Variants in RIPK4 observed in about 807,000 individuals in gnomAD.
RIPK4 encodes receptor-interacting serine/threonine-protein kinase 4.
In RIPK4, 17 loss-of-function variants were observed where a neutral mutation model predicts 42.9. The observed-to-expected ratio is 0.40, with a 90% CI of 0.27 to 0.59. RIPK4 has a LOEUF of 0.59. Among genes scored for constraint, RIPK4 ranks in the 20% least tolerant of loss-of-function variants. RIPK4 has a pLI of 0.47. For missense variants in RIPK4, 897 were observed against 1,104.4 expected (o/e 0.81, Z 2.66); for synonymous variants, 498 against 499.1 (o/e 1.00, Z 0.03).
chr21:41,741,330 G>C lies in RIPK4; in HGVS notation c.1863C>G (p.Arg621=). 6.2e-7 allele frequency: 1 copy of C among 1,609,378 alleles called. No homozygotes were observed. The highest frequency in any genetic ancestry group is 1.1e-5 in the South Asian group (1 of 91,016). The change falls in exon 8 of 8, where the codon CGC becomes CGG. Residue 621 remains arginine (R), a synonymous_variant. Transcript: ENST00000332512. Reference sequence around the variant, plus strand: ...CGTCGGAGCACAGGTCGATGAGGATGCGGGCCACGCGGTAGTGCCCGCGCT... The same window carrying C: ...CGTCGGAGCACAGGTCGATGAGGATCCGGGCCACGCGGTAGTGCCCGCGCT... ...AAQRGHYRVA[R]ILIDLCSDVN...
chr21:41,754,801 G>C (rs73216995), intron 2 of RIPK4, among the ~76,000 whole-genome samples: 2 of 151,866 alleles, frequency 1.3e-5, no homozygotes, highest in Admixed American at 1.3e-4. Context: ...TGACTGCTAC[G>C]TGCAGTGGTC....
intron 1 of RIPK4, 66 bp downstream of exon 1, chr21:41,766,794 A>G: frequency 6.7e-7 from 1 of 1,503,214 alleles, no homozygotes; most frequent in Non-Finnish European, 9.0e-7. Flanking sequence ...CCCCGGGACC[A>G]GAGCACCCCG....
In RIPK4 at chr21:41,751,032, G is replaced by A; in HGVS notation, c.623+65C>T. On this transcript the variant is annotated intron_variant, in intron 3 of 7. Coordinates refer to ENST00000332512, the MANE Select transcript of RIPK4 (RefSeq NM_020639.3). The surrounding 1 kb of genome is among the most constrained non-coding windows in gnomAD (Gnocchi z 4.5). The stretch of plus-strand genomic sequence containing the variant: ...GCCTTTCTGAAAGCTGCAGCTCAGG[G>A]CATGAAGCATTGAGGTTGAGAGCCC... 6.4e-7 allele frequency: 1 copy of A among 1,565,320 alleles called. No individual in the cohort carries two copies. Among genetic ancestry groups the A allele is most frequent in the African/African-American group, 1.4e-5 (1 of 73,900 alleles).
intron 4 of RIPK4, among the ~76,000 whole-genome samples, chr21:41,748,744 A>G (rs1792997504): frequency 1.3e-5 from 2 of 152,176 alleles, no homozygotes; most frequent in African/African-American, 4.8e-5. Flanking sequence ...AAAGCAGGTG[A>G]GTGGTTGCTG....
Position 41,766,842 on chromosome 21 carries a change from C to T in RIPK4, c.182+18G>A. 6.2e-7 allele frequency: 1 copy of T among 1,600,184 alleles called. No homozygotes were observed. On this transcript the variant is annotated intron_variant, in intron 1 of 7. Transcript: ENST00000332512. ...GCCCGGGCCCCAGCCGCCCCAGCGCCCCGCCCGGGCCGCTCACCTGTCGTC... is the reference window on the plus strand; with the variant it reads ...GCCCGGGCCCCAGCCGCCCCAGCGCTCCGCCCGGGCCGCTCACCTGTCGTC...
chr21:41,758,381 A>G (rs1790563648), intron 1 of RIPK4, among the ~76,000 whole-genome samples: 1 of 152,192 alleles, frequency 6.6e-6, no homozygotes, highest in African/African-American at 2.4e-5. Context: ...TTCACACTGT[A>G]ACATATATCA....
intron 4 of RIPK4, among the ~76,000 whole-genome samples, 194 bp downstream of exon 4, chr21:41,748,960 G>C (rs912403399): frequency 6.6e-6 from 1 of 152,106 alleles, no homozygotes; most frequent in African/African-American, 2.4e-5. Context: ...AAACTAGCTG[G>C]CACCTAAAAA....
intron 6 of RIPK4, among the ~76,000 whole-genome samples, chr21:41,745,008 G>C (rs925221654): frequency 6.6e-6 from 1 of 152,100 alleles, no homozygotes; most frequent in Non-Finnish European, 1.5e-5. Flanking sequence ...TCGAGGTCCC[G>C]CACTGTTGCT....
At position 41,751,863 on chromosome 21, in the gene RIPK4, CAT is replaced by C. The variant is rs751007008; in HGVS notation, c.475-620_475-619del. On this transcript the variant is annotated intron_variant, in intron 2 of 7. Transcript: ENST00000332512. This position sits in a 1 kb window ranked among gnomAD's most constrained non-coding sequence, Gnocchi z 4.5. ...AGACACTGGCTGGCTGCTTCAAACACATGTGTTCGAGTGAAGGTCTGATAAAC... is the reference window on the plus strand; with the variant it reads ...AGACACTGGCTGGCTGCTTCAAACACGTGTTCGAGTGAAGGTCTGATAAAC... Among the ~76,000 whole-genome samples, 6 of 152,368 alleles carry C rather than the reference CAT, an allele frequency of 3.9e-5. No homozygotes were observed. Among genetic ancestry groups the C allele is most frequent in the African/African-American group, 7.2e-5 (3 of 41,596 alleles).
At chr21:41,746,043 C>T (rs766005168) in intron 5 of RIPK4, 181 bp from the exon 6 acceptor site, 2 of 722,734 alleles carry the variant, frequency 2.8e-6, no homozygotes, top group Admixed American at 1.9e-5. Context: ...CCAGGCCCCC[C>T]CATCGGTAAT....
intron 1 of RIPK4, among the ~76,000 whole-genome samples, chr21:41,758,024 A>G (rs2061209853): frequency 1.3e-5 from 1 of 79,232 alleles, no homozygotes; most frequent in Non-Finnish European, 2.4e-5. Flanking sequence ...AAAAAAAAAT[A>G]TATATATATA....
chr21:41,744,081 G>C lies in RIPK4; in HGVS notation c.996C>G (p.Leu332=). 1 of 1,611,960 alleles carries C rather than the reference G, an allele frequency of 6.2e-7. No individual in the cohort carries two copies. The highest frequency in any genetic ancestry group is 8.5e-7 in the Non-Finnish European group (1 of 1,179,406). ...AGTCCAGCTGTGAGAGCAGCTCGGA[G>C]AGGCTGTAGTCGTTATCGAAGGTGG... ...SAPTFDNDYS[L]SELLSQLDSG... is the part of the protein sequence containing the mutation. The change falls in exon 7 of 8, where the codon CTC becomes CTG. Residue 332 remains leucine (L), a synonymous_variant. Transcript: ENST00000332512.
chr21:41,764,722 C>G (rs142901447), intron 1 of RIPK4, among the ~76,000 whole-genome samples: 358 of 152,286 alleles, frequency 2.4e-3, no homozygotes, highest in African/African-American at 8.2e-3. Flanking sequence ...ATGTACATTC[C>G]TAACAAGAAC....
rs59885183 is a variant in RIPK4 at position 41,756,964 on chromosome 21, C to T, written c.183-148G>A. 0.35 allele frequency: 272,704 copies of T among 772,382 alleles called. 49,874 individuals carry two copies. The highest frequency in any genetic ancestry group is 0.43 in the Admixed American group (15,602 of 36,402). 47.8% of individuals were successfully genotyped at this position (772,382 alleles called of 1,614,324 possible). The stretch of plus-strand genomic sequence containing the variant: ...TGGGGCACACTTCAATGTCACATCA[C>T]GAATGCAGGGCTTTCCAGAGTCTCA... On this transcript the variant is annotated intron_variant, in intron 1 of 7. Coordinates refer to ENST00000332512, the MANE Select transcript of RIPK4 (RefSeq NM_020639.3).
At chr21:41,746,167 G>C (rs754139900) in intron 5 of RIPK4, 2 of 650,422 alleles carry the variant, frequency 3.1e-6, no homozygotes, top group Non-Finnish European at 5.7e-6. Context: ...CATTCAGCCC[G>C]TTTCCTGCCG....
chr21:41,755,279 T>C lies in RIPK4; in HGVS notation c.474+1246A>G, dbSNP rs1337961331. ...TTTCCTACTTCACTTCGCAGGACGG[T>C]GCTTCATCTTCTAGCTGAAATCTTA... On this transcript the variant is annotated intron_variant, in intron 2 of 7. Coordinates refer to ENST00000332512, the MANE Select transcript of RIPK4 (RefSeq NM_020639.3). This position sits in a 1 kb window ranked among gnomAD's most constrained non-coding sequence, Gnocchi z 4.2. Among the ~76,000 whole-genome samples the C allele has an allele frequency of 6.6e-6, 1 of 152,212 alleles. No homozygotes were observed. Among genetic ancestry groups the C allele is most frequent in the Non-Finnish European group, 1.5e-5 (1 of 68,036 alleles).
At chr21:41,753,542 C>T (rs1186402216) in intron 2 of RIPK4, among the ~76,000 whole-genome samples, 3 of 152,232 alleles carry the variant, frequency 2.0e-5, no homozygotes, top group Admixed American at 6.5e-5. Context: ...ATTTCCCCTC[C>T]GCCTTTCCTC....
chr21:41,750,831 C>T (rs555281514), intron 3 of RIPK4, among the ~76,000 whole-genome samples: 17 of 152,298 alleles, frequency 1.1e-4, no homozygotes, highest in Middle Eastern at 3.4e-3. Context: ...GTGCACGCCA[C>T]CAAGCTGGGC....
chr21:41,746,422 C>T lies in RIPK4; in HGVS notation c.832+191G>A, dbSNP rs74336016. Reference sequence around the variant, plus strand: ...TTGGAGGCAACTCAGTTCCAGCTGCCGTGGCCGAGCCGTGAGTACCAGAGG... The same window carrying T: ...TTGGAGGCAACTCAGTTCCAGCTGCTGTGGCCGAGCCGTGAGTACCAGAGG... On this transcript the variant is annotated intron_variant, in intron 5 of 7. Coordinates refer to ENST00000332512, the MANE Select transcript of RIPK4 (RefSeq NM_020639.3). 1.2e-3 allele frequency among the ~76,000 whole-genome samples: 176 copies of T among 152,294 alleles called. No individual in the cohort carries two copies. In the East Asian group the frequency reaches 0.02, roughly 18 times the overall value.
Sources: allele counts gnomAD v4.1 joint callset (sites outside exome capture counted in the v4.1 genomes callset), GRCh38; gene constraint gnomAD v4.1.1; non-coding constraint Gnocchi (gnomAD v3.1); transcripts MANE v1.5; gene names NCBI Gene and HGNC (gene_info 2026-07-23, HGNC 2026-07-21).